Variants in CCBE1 observed in about 807,000 individuals in gnomAD.
CCBE1 encodes the protein collagen and calcium binding EGF domains 1, also known as collagen and calcium-binding EGF domain-containing protein 1.
Under a neutral mutation model 50.0 loss-of-function variants are expected in CCBE1, and 37 were observed. That is an observed-to-expected ratio of 0.74 (90% CI 0.57 to 0.97). The LOEUF is 0.97. CCBE1 is among the 50% of genes least tolerant of loss of function. CCBE1 has a pLI of 0.00. For missense variants in CCBE1, 538 were observed against 523.8 expected (o/e 1.03, Z -0.26); for synonymous variants, 234 against 203.7 (o/e 1.15, Z -1.27).
At chr18:59,444,617 A>G (rs1568142359) in intron 7 of CCBE1, among the ~76,000 whole-genome samples, 1 of 151,844 alleles carries the variant, frequency 6.6e-6, no homozygotes, top group Non-Finnish European at 1.5e-5. Context: ...CCTGGGCTTA[A>G]GCGATCTTCT....
intron 2 of CCBE1, among the ~76,000 whole-genome samples, chr18:59,536,347 T>TC (rs1568193025): frequency 1.3e-5 from 2 of 152,170 alleles, no homozygotes; most frequent in African/African-American, 4.8e-5. Flanking sequence ...CTGGGCTCTC[T>TC]CTCCTCCTCC....
At chr18:59,672,126 A>T (rs2054440330) in intron 2 of CCBE1, among the ~76,000 whole-genome samples, 1 of 152,214 alleles carries the variant, frequency 6.6e-6, no homozygotes, top group Non-Finnish European at 1.5e-5. Context: ...ATAAAATATA[A>T]TAAAAATGTG....
chr18:59,454,332 C>T lies in CCBE1; in HGVS notation c.654+519G>A, dbSNP rs143700017. On this transcript the variant is annotated intron_variant, in intron 6 of 10. Coordinates refer to ENST00000439986, the MANE Select transcript of CCBE1 (RefSeq NM_133459.4). ...TGGTCCCAGCTCACTGCAACCTCTG[C>T]CTCCCAGGTTCAAGCAATTCTCCTG... Among the ~76,000 whole-genome samples, 403 of 152,236 alleles carry T rather than the reference C, an allele frequency of 2.6e-3. 1 individual carries two copies. Among genetic ancestry groups the T allele is most frequent in the African/African-American group, 9.3e-3 (385 of 41,534 alleles).
Position 59,697,383 on chromosome 18 carries a change from C to A in CCBE1, c.-41G>T, listed in dbSNP as rs1175254146. The A allele has an allele frequency of 1.3e-6, 2 of 1,534,954 alleles. No individual in the cohort carries two copies. On this transcript the variant is annotated 5_prime_UTR_variant, in exon 1 of 11. Transcript: ENST00000439986. ...CTTCTTCCCAGCGCCGAGCTCCGTC[C>A]GGACCAAGCGTCCTGCTCCTCCGCG...
intron 2 of CCBE1, among the ~76,000 whole-genome samples, chr18:59,489,895 A>G (rs1460302197): frequency 6.6e-6 from 1 of 152,132 alleles, no homozygotes; most frequent in Non-Finnish European, 1.5e-5. Flanking sequence ...ATAAGGAAAA[A>G]ATGTAACAAA....
intron 2 of CCBE1, among the ~76,000 whole-genome samples, chr18:59,671,216 T>C (rs569479499): frequency 2.0e-5 from 3 of 152,034 alleles, no homozygotes; most frequent in Admixed American, 2.0e-4. Context: ...TGACCAGTGG[T>C]GCCCAGGTGT....
chr18:59,565,206 A>AGGAGGGAG, intron 2 of CCBE1, among the ~76,000 whole-genome samples: 1 of 125,648 alleles, frequency 8.0e-6, no homozygotes, highest in Admixed American at 7.4e-5. Flanking sequence ...AGGTAGGTAG[A>AGGAGGGAG]GGAGGGAGGG....
rs76536407 is a variant in CCBE1, at chr18:59,512,774, T to A, written c.213-32536A>T. On this transcript the variant is annotated intron_variant, in intron 2 of 10. Transcript: ENST00000439986. ...AAAAGGGTATTATTGAGATATGTGT[T>A]TAGGGAACAAATCCCGGGTAAGACA... 2.6e-3 allele frequency among the ~76,000 whole-genome samples: 398 copies of A among 152,274 alleles called. 1 individual carries two copies. Among genetic ancestry groups the A allele is most frequent in the Non-Finnish European group, 3.2e-3 (218 of 68,012 alleles).
chr18:59,676,303 C>A (rs2054501609), intron 2 of CCBE1, among the ~76,000 whole-genome samples: 1 of 152,204 alleles, frequency 6.6e-6, no homozygotes, highest in African/African-American at 2.4e-5. Flanking sequence ...GCCACATGGA[C>A]TTGGATAACT....
rs915198435 is a variant in CCBE1, at chr18:59,655,041, C to T, written c.212+41588G>A. ...GGCGGAGGTTGCAGTGAACCAAGAT[C>T]GCACCACTGCATTGCAGCCTGGGCG... On this transcript the variant is annotated intron_variant, in intron 2 of 10. Transcript: ENST00000439986. 1.8e-4 allele frequency among the ~76,000 whole-genome samples: 27 copies of T among 146,440 alleles called. 1 individual carries two copies. The highest frequency in any genetic ancestry group is 3.6e-3 in the Middle Eastern group (1 of 276).
intron 3 of CCBE1, among the ~76,000 whole-genome samples, chr18:59,475,644 T>G (rs1912270819): frequency 6.6e-6 from 1 of 152,172 alleles, no homozygotes. Flanking sequence ...TCAACAGAGT[T>G]TAGTTTGTCT....
At chr18:59,673,434 G>A (rs928180407) in intron 2 of CCBE1, among the ~76,000 whole-genome samples, 1 of 152,250 alleles carries the variant, frequency 6.6e-6, no homozygotes. Context: ...CTGGGTGACA[G>A]AGTGAGACTC....
chr18:59,466,673 A>T, intron 5 of CCBE1, 66 bp downstream of exon 5: 1 of 1,107,682 alleles, frequency 9.0e-7, no homozygotes, highest in South Asian at 1.7e-5. Context: ...TAAACCCCCA[A>T]ACTGGTTATA....
intron 2 of CCBE1, among the ~76,000 whole-genome samples, chr18:59,662,165 A>G (rs191113164): frequency 1.6e-3 from 247 of 152,304 alleles, no homozygotes; most frequent in African/African-American, 5.7e-3. Context: ...AATAACAAAA[A>G]CACAAGACAG....
chr18:59,550,821 G>A (rs187904207), intron 2 of CCBE1, among the ~76,000 whole-genome samples: 5 of 151,844 alleles, frequency 3.3e-5, no homozygotes, highest in African/African-American at 1.2e-4. Context: ...GAAGTCAGGA[G>A]ATCAAAACCC....
intron 2 of CCBE1, among the ~76,000 whole-genome samples, chr18:59,558,054 T>C (rs1395938066): frequency 6.6e-6 from 1 of 152,204 alleles, no homozygotes; most frequent in Non-Finnish European, 1.5e-5. Flanking sequence ...AAGACTGCTT[T>C]CTATTTGGTG....
At chr18:59,445,988 G>A (rs573454218) in intron 7 of CCBE1, among the ~76,000 whole-genome samples, 5 of 152,190 alleles carry the variant, frequency 3.3e-5, no homozygotes, top group South Asian at 2.1e-4. Context: ...CACAGGCCTC[G>A]GAACTGGACT....
At chr18:59,565,929 G>A (rs1183390487) in intron 2 of CCBE1, among the ~76,000 whole-genome samples, 1 of 152,074 alleles carries the variant, frequency 6.6e-6, no homozygotes, top group Non-Finnish European at 1.5e-5. Context: ...CAGGGCTCCT[G>A]AACTCCCCCA....
At chr18:59,499,768 A>C (rs187342590) in intron 2 of CCBE1, among the ~76,000 whole-genome samples, 236 of 152,294 alleles carry the variant, frequency 1.5e-3, no homozygotes, top group African/African-American at 5.5e-3. Context: ...TCTAGGCACA[A>C]CAATGGCCTG....
Sources: allele counts gnomAD v4.1 joint callset (sites outside exome capture counted in the v4.1 genomes callset), GRCh38; gene constraint gnomAD v4.1.1; transcripts MANE v1.5; gene names NCBI Gene and HGNC (gene_info 2026-07-23, HGNC 2026-07-21).